Variants in GRIN2A observed in about 807,000 individuals in gnomAD.
GRIN2A encodes glutamate ionotropic receptor NMDA type subunit 2A, also known as glutamate receptor ionotropic, NMDA 2A.
GRIN2A carries 22 observed loss-of-function variants against 113.4 expected under a neutral mutation model. The ratio of observed to expected loss-of-function variants is 0.19; its 90% CI spans 0.14 to 0.28. The LOEUF (loss-of-function observed/expected upper bound fraction) is 0.28, where lower values mean the gene tolerates loss of function less well. GRIN2A is among the 10% of genes least tolerant of loss of function. The probability of loss-of-function intolerance (pLI) is 1.00; values close to 1 mark genes in which losing one functional copy is unlikely to be tolerated. For missense variants in GRIN2A, 1,502 were observed against 1,887.0 expected (o/e 0.80, Z 3.78); for synonymous variants, 827 against 738.4 (o/e 1.12, Z -1.94).
At chr16:10,065,906 TG>T (rs1171381600) in intron 2 of GRIN2A, among the ~76,000 whole-genome samples, 1 of 152,198 alleles carries the variant, frequency 6.6e-6, no homozygotes, top group Non-Finnish European at 1.5e-5. Context: ...TGATAGATAC[TG>T]GGTGGAAACA....
intron 2 of GRIN2A, among the ~76,000 whole-genome samples, chr16:10,166,512 C>T (rs1388084469): frequency 6.6e-6 from 1 of 152,174 alleles, no homozygotes; most frequent in African/African-American, 2.4e-5. Context: ...GACCAGCTCT[C>T]CAATTTGACC....
At chr16:10,020,046 C>T (rs571833602) in intron 2 of GRIN2A, among the ~76,000 whole-genome samples, 66 of 152,324 alleles carry the variant, frequency 4.3e-4, no homozygotes, top group Non-Finnish European at 8.7e-4. Context: ...ACATTGTACA[C>T]CTTGAATACA....
At chr16:10,007,891 G>A (rs2046433154) in intron 2 of GRIN2A, among the ~76,000 whole-genome samples, 1 of 152,102 alleles carries the variant, frequency 6.6e-6, no homozygotes, top group Admixed American at 6.5e-5. Context: ...GTCCTAAGCA[G>A]GAAGGACAGT....
chr16:10,040,056 T>TCCACACACCACACACAC (rs1567254463), intron 2 of GRIN2A, among the ~76,000 whole-genome samples: 1 of 3,230 alleles, frequency 3.1e-4, no homozygotes, highest in African/African-American at 1.2e-3. Flanking sequence ...CACACCACCA[T>TCCACACACCACACACAC]AAATACACTA....
chr16:9,989,404 G>C (rs1390972301), intron 2 of GRIN2A, among the ~76,000 whole-genome samples: 1 of 143,102 alleles, frequency 7.0e-6, no homozygotes, highest in Non-Finnish European at 1.5e-5. Flanking sequence ...ATGGATTAAA[G>C]ACTTAAATGT....
At chr16:9,990,538 TCTCTAC>T (rs1354229588) in intron 2 of GRIN2A, among the ~76,000 whole-genome samples, 1 of 142,142 alleles carries the variant, frequency 7.0e-6, no homozygotes, top group Non-Finnish European at 1.5e-5. Context: ...TGAATCTCTC[TCTCTAC>T]ACGCGCGCGC....
At chr16:9,902,692 A>G (rs960367346) in intron 3 of GRIN2A, among the ~76,000 whole-genome samples, 1 of 151,840 alleles carries the variant, frequency 6.6e-6, no homozygotes, top group African/African-American at 2.4e-5. Flanking sequence ...GGGGGGTGGT[A>G]CCACACACTT....
chr16:9,820,855 A>G (rs1181500371), intron 10 of GRIN2A, among the ~76,000 whole-genome samples: 4 of 152,312 alleles, frequency 2.6e-5, no homozygotes, highest in East Asian at 3.9e-4. Context: ...TTATACTTCA[A>G]AAGTTTAAAG....
At chr16:10,054,107 CA>C (rs1384585998) in intron 2 of GRIN2A, among the ~76,000 whole-genome samples, 1 of 151,666 alleles carries the variant, frequency 6.6e-6, no homozygotes, top group Non-Finnish European at 1.5e-5. Context: ...AATAAAGAAA[CA>C]AAGCTAAAAA....
intron 2 of GRIN2A, among the ~76,000 whole-genome samples, chr16:9,969,762 G>A (rs2045634213): frequency 6.6e-6 from 1 of 152,208 alleles, no homozygotes; most frequent in South Asian, 2.1e-4. Context: ...GCACCCAGTG[G>A]GTAAAGACCA....
At chr16:9,954,565 T>C (rs1379629820) in intron 2 of GRIN2A, among the ~76,000 whole-genome samples, 1 of 152,170 alleles carries the variant, frequency 6.6e-6, no homozygotes, top group Admixed American at 6.5e-5. Flanking sequence ...ACCTCATTAA[T>C]AGCCTGCAGA....
chr16:10,086,245 C>G (rs1276979188), intron 2 of GRIN2A, among the ~76,000 whole-genome samples: 1 of 152,134 alleles, frequency 6.6e-6, no homozygotes, highest in Non-Finnish European at 1.5e-5. Context: ...TCCAGAGCTT[C>G]TGACAATAAG....
At chr16:9,813,043 G>A (rs1450703844) in intron 10 of GRIN2A, among the ~76,000 whole-genome samples, 1 of 152,234 alleles carries the variant, frequency 6.6e-6, no homozygotes, top group African/African-American at 2.4e-5. Flanking sequence ...AGAAGTGTGA[G>A]GGATGCTACA....
At chr16:10,158,926 T>C (rs946216445) in intron 2 of GRIN2A, among the ~76,000 whole-genome samples, 5 of 152,206 alleles carry the variant, frequency 3.3e-5, no homozygotes, top group Non-Finnish European at 7.3e-5. Context: ...ATGTTATGTG[T>C]ATTATATCAC....
chr16:10,058,293 A>AC (rs767450610), intron 2 of GRIN2A, among the ~76,000 whole-genome samples: 1 of 126,384 alleles, frequency 7.9e-6, no homozygotes, highest in Non-Finnish European at 1.8e-5. Context: ...AAACAAAAAA[A>AC]CAAAAAACAA....
Position 9,762,058 on chromosome 16 carries a change from G to A in GRIN2A, c.*1091C>T, listed in dbSNP as rs984121129. 3.0e-5 allele frequency: 6 copies of A among 202,262 alleles called. No homozygotes were observed. The highest frequency in any genetic ancestry group is 3.8e-4 in the South Asian group (2 of 5,246). The allele number at this position is 202,262 out of a possible 1,614,324, so 12.5% of individuals were successfully genotyped here. On this transcript the variant is annotated 3_prime_UTR_variant, in exon 13 of 13. Transcript: ENST00000330684. ...TAAACCTAAAACCATGCTAGCCTTC[G>A]GCAGACAGATGGCATTGTACTTCTT...
At chr16:10,006,155 C>T (rs2046401352) in intron 2 of GRIN2A, among the ~76,000 whole-genome samples, 1 of 152,232 alleles carries the variant, frequency 6.6e-6, no homozygotes, top group South Asian at 2.1e-4. Context: ...AACCTGGACA[C>T]CATCCTAACT....
chr16:9,870,083 T>G (rs1380018455), intron 4 of GRIN2A, among the ~76,000 whole-genome samples: 2 of 152,174 alleles, frequency 1.3e-5, no homozygotes, highest in African/African-American at 4.8e-5. Context: ...CGGCTCTCTA[T>G]TTTGGATAGA....
chr16:9,931,760 C>T (rs529690256), intron 3 of GRIN2A, among the ~76,000 whole-genome samples: 22 of 152,290 alleles, frequency 1.4e-4, no homozygotes, highest in Admixed American at 4.6e-4. Context: ...CACACACACA[C>T]GCACACAAAA....
Sources: allele counts gnomAD v4.1 joint callset (sites outside exome capture counted in the v4.1 genomes callset), GRCh38; gene constraint gnomAD v4.1.1; transcripts MANE v1.5; gene names NCBI Gene and HGNC (gene_info 2026-07-23, HGNC 2026-07-21).